Variants in NEMP2 observed in about 807,000 individuals in gnomAD.
NEMP2 encodes nuclear envelope integral membrane protein 2, also known as UPF0571 transmembrane protein.
In NEMP2, 53 loss-of-function variants were observed where a neutral mutation model predicts 54.2. The ratio of observed to expected loss-of-function variants is 0.98; its 90% CI spans 0.78 to 1.23. The LOEUF is 1.23. NEMP2 is among the 50% of genes most tolerant of loss of function. NEMP2 has a pLI of 0.00. For missense variants in NEMP2, 455 were observed against 511.3 expected (o/e 0.89, Z 1.06); for synonymous variants, 197 against 190.3 (o/e 1.04, Z -0.29).
upstream of NEMP2, chr2:190,536,088 C>G (rs952772208): frequency 1.3e-5 from 2 of 152,178 alleles, no homozygotes; most frequent in African/African-American, 4.8e-5. Flanking sequence ...CTATTTATAT[C>G]ACAGATCCTT....
At chr2:190,583,594 G>A in the NEMP2 span, among the ~76,000 whole-genome samples, 3 of 152,146 alleles carry the variant, frequency 2.0e-5, no homozygotes, top group African/African-American at 4.8e-5. Context: ...AAAATCTGGC[G>A]ATTTCATGTA....
the NEMP2 span, among the ~76,000 whole-genome samples, chr2:190,558,445 A>C: frequency 6.6e-6 from 1 of 152,216 alleles, no homozygotes; most frequent in South Asian, 2.1e-4. This position sits in a 1 kb window ranked among gnomAD's most constrained non-coding sequence, Gnocchi z 4.4. Flanking sequence ...CGTTGTGCAC[A>C]TGTACCCCAG....
At chr2:190,616,782 A>G in the NEMP2 span, 10 of 152,160 alleles carry the variant, frequency 6.6e-5, no homozygotes, top group African/African-American at 1.9e-4. The surrounding 1 kb of genome is among the most constrained non-coding windows in gnomAD (Gnocchi z 5.1). Flanking sequence ...GTAATGTTTT[A>G]TAACATTTTT....
the NEMP2 span, among the ~76,000 whole-genome samples, chr2:190,551,831 A>T: frequency 8.6e-4 from 131 of 152,208 alleles, no homozygotes; most frequent in African/African-American, 3.0e-3. Flanking sequence ...TGTTGTTTTT[A>T]TGTATTAAAA....
the NEMP2 span, among the ~76,000 whole-genome samples, chr2:190,434,200 AAAAAG>A: frequency 6.6e-6 from 1 of 151,770 alleles, no homozygotes; most frequent in Non-Finnish European, 1.5e-5. The surrounding 1 kb of genome is among the most constrained non-coding windows in gnomAD (Gnocchi z 4.3). Flanking sequence ...AAAAAAGAAA[AAAAAG>A]AAAAGAAGGT....
the NEMP2 span, among the ~76,000 whole-genome samples, chr2:190,479,856 G>T: frequency 7.9e-5 from 12 of 152,320 alleles, no homozygotes; most frequent in Admixed American, 2.0e-4. Context: ...TTTGATGAAA[G>T]ATGTTTTTTT....
chr2:190,536,512 A>C (rs114439590), upstream of NEMP2, among the ~76,000 whole-genome samples: 1,737 of 152,312 alleles, frequency 0.011, 38 homozygotes, highest in African/African-American at 0.038. Flanking sequence ...AGTGTCAGGA[A>C]TACTGGGAAA....
chr2:190,524,622 C>T (rs1026292835), intron 2 of NEMP2, among the ~76,000 whole-genome samples: 1 of 152,144 alleles, frequency 6.6e-6, no homozygotes, highest in African/African-American at 2.4e-5. Context: ...CAATTTGCTC[C>T]CACTTCTCTC....
chr2:190,647,710 CTTT>C, the NEMP2 span, among the ~76,000 whole-genome samples: 502 of 102,348 alleles, frequency 4.9e-3, 1 homozygote, highest in African/African-American at 0.018. Flanking sequence ...TCTTCTTCTT[CTTT>C]TTTTTTTTTT....
Position 190,507,770 on chromosome 2 carries a change from T to C in NEMP2, c.*1419A>G, listed in dbSNP as rs1418152840. 1.3e-5 allele frequency: 2 copies of C among 152,208 alleles called. No homozygotes were observed. Among genetic ancestry groups the C allele is most frequent in the Non-Finnish European group, 2.9e-5 (2 of 68,032 alleles). The allele number at this position is 152,208 out of a possible 1,614,324, so 9.4% of individuals were successfully genotyped here. The stretch of plus-strand genomic sequence containing the variant: ...CTAGGAAGTTCCAGATGGATAGTCA[T>C]GCTCTTTTTTCATGATTTAGAAAAA... On this transcript the variant is annotated 3_prime_UTR_variant, in exon 9 of 9. Transcript: ENST00000409150. This position sits in a 1 kb window ranked among gnomAD's most constrained non-coding sequence, Gnocchi z 4.4.
At chr2:190,463,379 G>C in the NEMP2 span, among the ~76,000 whole-genome samples, 1 of 152,184 alleles carries the variant, frequency 6.6e-6, no homozygotes, top group Admixed American at 6.5e-5. This position sits in a 1 kb window ranked among gnomAD's most constrained non-coding sequence, Gnocchi z 4.4. Context: ...TTCCTGGGGA[G>C]GAGGGCACAT....
chr2:190,583,231 CT>C, the NEMP2 span, among the ~76,000 whole-genome samples: 56,460 of 141,540 alleles, frequency 0.4, 10,984 homozygotes, highest in Admixed American at 0.53. Flanking sequence ...AGTCATAGGT[CT>C]TTTTTTTTTT....
the NEMP2 span, chr2:190,477,093 T>G: frequency 6.0e-6 from 1 of 165,434 alleles, no homozygotes. Flanking sequence ...TTAGGAGATA[T>G]ACCTAATGTT....
At chr2:190,588,836 C>T in the NEMP2 span, among the ~76,000 whole-genome samples, 4 of 152,162 alleles carry the variant, frequency 2.6e-5, no homozygotes, top group Non-Finnish European at 5.9e-5. The surrounding 1 kb of genome is among the most constrained non-coding windows in gnomAD (Gnocchi z 5.0). Flanking sequence ...GGCTGATAAA[C>T]TCTGACAAAA....
Position 190,527,506 on chromosome 2 carries a change from T to G in NEMP2, c.98-2128A>C, listed in dbSNP as rs1052378512. Among the ~76,000 whole-genome samples, 2 of 152,196 alleles carry G rather than the reference T, an allele frequency of 1.3e-5. No homozygotes were observed. The highest frequency in any genetic ancestry group is 6.5e-5 in the Admixed American group (1 of 15,288). On this transcript the variant is annotated intron_variant, in intron 1 of 8. Transcript: ENST00000409150. This position sits in a 1 kb window ranked among gnomAD's most constrained non-coding sequence, Gnocchi z 4.0. ...TATTCAACTGTGACAGTCAAATCAG[T>G]CATCTTTACTCTTCACATTATGATA...
At chr2:190,642,049 A>C in the NEMP2 span, among the ~76,000 whole-genome samples, 1 of 152,234 alleles carries the variant, frequency 6.6e-6, no homozygotes, top group African/African-American at 2.4e-5. This position sits in a 1 kb window ranked among gnomAD's most constrained non-coding sequence, Gnocchi z 4.1. Flanking sequence ...TCTTTCTATA[A>C]GCAATGTGTA....
the NEMP2 span, chr2:190,616,833 G>C: frequency 1.3e-5 from 2 of 152,056 alleles, no homozygotes; most frequent in Middle Eastern, 3.4e-3. The surrounding 1 kb of genome is among the most constrained non-coding windows in gnomAD (Gnocchi z 5.1). Context: ...TTTAGGCCAG[G>C]TGTTGTGGCT....
the NEMP2 span, among the ~76,000 whole-genome samples, chr2:190,427,938 A>G: frequency 6.6e-6 from 1 of 152,162 alleles, no homozygotes; most frequent in African/African-American, 2.4e-5. Context: ...CACCACGTTG[A>G]TCAGACTGGT....
chr2:190,435,969 C>T, the NEMP2 span: 4 of 1,520,514 alleles, frequency 2.6e-6, no homozygotes, highest in African/African-American at 1.4e-5. Flanking sequence ...TTAAATTTTA[C>T]TTTACAGATC....
Sources: gnomAD v4.1 joint callset for allele counts (sites outside exome capture counted in the v4.1 genomes callset) on GRCh38, gnomAD v4.1.1 for gene constraint, Gnocchi (gnomAD v3.1) non-coding constraint, MANE v1.5 for transcripts, NCBI Gene and HGNC (gene_info 2026-07-23, HGNC 2026-07-21) for gene names.